The following NEK10 variants were observed in gnomAD, a reference collection of about 807,000 sequenced individuals.
NEK10 encodes the protein serine/threonine-protein kinase Nek10.
A neutral mutation model predicts 159.8 loss-of-function variants in NEK10; 122 were observed. That is an observed-to-expected ratio of 0.76 (90% confidence interval 0.66 to 0.89). The LOEUF (loss-of-function observed/expected upper bound fraction) is 0.89, where lower values mean the gene tolerates loss of function less well. Ranked by LOEUF, NEK10 falls within the 40% of genes least tolerant of loss-of-function variation. The pLI, the probability that NEK10 is intolerant of heterozygous loss-of-function variation, is 0.00. For missense variants in NEK10, 1,342 were observed against 1,323.1 expected, an observed-to-expected ratio of 1.01 and a Z score of -0.22; for synonymous variants, 466 against 457.1, an observed-to-expected ratio of 1.02 and a Z score of -0.25.
At chr3:27,272,437 A>G (rs2041438274) in intron 22 of NEK10, among the ~76,000 whole-genome samples, 1 of 152,154 alleles carries the variant, frequency 6.6e-6, no homozygotes, top group African/African-American at 2.4e-5. Flanking sequence ...TTGTCTGATT[A>G]TAGTTTAAAT....
intron 9 of NEK10, chr3:27,309,283 T>A (rs1264088119): frequency 5.1e-6 from 1 of 197,050 alleles, no homozygotes; most frequent in Non-Finnish European, 1.0e-5. Context: ...ATTAAATATA[T>A]CTTTATAAAC....
chr3:27,262,976 T>A lies in NEK10; in HGVS notation c.2015-6605A>T, dbSNP rs573939248. 3.3e-5 allele frequency among the ~76,000 whole-genome samples: 5 copies of A among 152,330 alleles called. No individual in the cohort carries two copies. In the East Asian group the frequency reaches 7.7e-4, roughly 24 times the overall value. On this transcript the variant is annotated intron_variant, in intron 22 of 35. Transcript: ENST00000691995. ...TTTGTCTACCTTTGGTCTTTGATGA[T>A]GGTGACGTACAGATGGGGTTTTGGT...
intron 13 of NEK10, among the ~76,000 whole-genome samples, chr3:27,299,446 C>T (rs911023514): frequency 5.9e-5 from 9 of 152,130 alleles, no homozygotes; most frequent in Non-Finnish European, 8.8e-5. Flanking sequence ...GCTGCAGGGG[C>T]GGGGCTCTCA....
At chr3:27,306,081 T>A (rs1241660218) in intron 11 of NEK10, among the ~76,000 whole-genome samples, 1 of 152,138 alleles carries the variant, frequency 6.6e-6, no homozygotes. Flanking sequence ...ATATCCCCGA[T>A]CTTGACTCAT....
chr3:27,195,014 C>CAGGAAAAAG (rs1949442392), intron 25 of NEK10, among the ~76,000 whole-genome samples: 2 of 152,070 alleles, frequency 1.3e-5, no homozygotes, highest in Non-Finnish European at 2.9e-5. Context: ...TGCTTGTATA[C>CAGGAAAAAG]CACATGAGCA....
At chr3:27,292,837 AG>A (rs1403869305) in intron 16 of NEK10, among the ~76,000 whole-genome samples, 1 of 152,218 alleles carries the variant, frequency 6.6e-6, no homozygotes, top group Admixed American at 6.5e-5. Flanking sequence ...ATAGAAATAA[AG>A]TAACAACATA....
At chr3:27,211,206 G>A (rs144434475) in intron 23 of NEK10, among the ~76,000 whole-genome samples, 10 of 152,252 alleles carry the variant, frequency 6.6e-5, no homozygotes, top group East Asian at 3.9e-4. Context: ...CATTTCATGC[G>A]ACATTCCAAT....
chr3:27,164,861 T>C (rs1946341743), intron 29 of NEK10, among the ~76,000 whole-genome samples: 1 of 152,240 alleles, frequency 6.6e-6, no homozygotes, highest in African/African-American at 2.4e-5. Context: ...ATGATGAGTT[T>C]GCAAGATGAC....
chr3:27,287,740 A>T lies in NEK10; in HGVS notation c.1747T>A (p.Tyr583Asn). The T allele has an allele frequency of 6.4e-7, 1 of 1,560,944 alleles. No homozygotes were observed. The highest frequency in any genetic ancestry group is 8.6e-7 in the Non-Finnish European group (1 of 1,160,090). The change falls in exon 20 of 36, where the codon TAT becomes AAT. Residue 583 changes from tyrosine to asparagine, a missense_variant. Tyr to Asn is a moderately radical substitution (Grantham distance 143). Coordinates refer to ENST00000691995, the MANE Select transcript of NEK10 (RefSeq NM_001394966.1). ...TAATAACGTACAATGTTGGGATGATAAAGCTATAAGAAAATAAATAACAAA... is the reference window on the plus strand; with the variant it reads ...TAATAACGTACAATGTTGGGATGATTAAGCTATAAGAAAATAAATAACAAA... The part of the protein sequence containing the change: ...SELTIIKEQL[Y>N]HPNIVRYYKT...
rs146661368 is a variant in NEK10, at chr3:27,132,418, A to G, written c.2971-428T>C. On this transcript the variant is annotated intron_variant, in intron 31 of 35. Transcript: ENST00000691995. The stretch of plus-strand genomic sequence containing the variant: ...GATCTGACACTTTGGACCAGGAAAT[A>G]CATATCTGCTTTAGTAGTATATATA... Among the ~76,000 whole-genome samples the G allele has an allele frequency of 6.4e-3, 978 of 152,328 alleles. 13 individuals carry two copies. Among genetic ancestry groups the G allele is most frequent in the African/African-American group, 0.022 (931 of 41,574 alleles).
chr3:27,340,591 C>T (rs1054731322), intron 5 of NEK10, among the ~76,000 whole-genome samples: 1 of 152,038 alleles, frequency 6.6e-6, no homozygotes, highest in Non-Finnish European at 1.5e-5. Flanking sequence ...AAATAGCCAA[C>T]AAGTATATGA....
chr3:27,230,536 G>A (rs891020698), intron 23 of NEK10, among the ~76,000 whole-genome samples: 5 of 152,074 alleles, frequency 3.3e-5, no homozygotes, highest in South Asian at 2.1e-4. Flanking sequence ...AACAATGAAC[G>A]TAAATGGCCT....
chr3:27,119,616 A>G (rs549647777), intron 33 of NEK10, 144 bp downstream of exon 33: 4 of 596,622 alleles, frequency 6.7e-6, no homozygotes, highest in African/African-American at 1.9e-5. Context: ...GATTCCTACC[A>G]TATGTGCCTT....
At chr3:27,250,421 C>T (rs1434351519) in intron 23 of NEK10, among the ~76,000 whole-genome samples, 2 of 152,072 alleles carry the variant, frequency 1.3e-5, no homozygotes, top group East Asian at 1.9e-4. Flanking sequence ...CTCCTGACCT[C>T]GTGATCCACC....
At chr3:27,358,253 T>C (rs906380023) in intron 1 of NEK10, among the ~76,000 whole-genome samples, 5 of 152,196 alleles carry the variant, frequency 3.3e-5, no homozygotes, top group African/African-American at 1.2e-4. Flanking sequence ...ACCAAAGGCA[T>C]GCTACTTTAA....
At chr3:27,119,679 G>A in intron 33 of NEK10, 81 bp downstream of exon 33, 1 of 1,090,516 alleles carries the variant, frequency 9.2e-7, no homozygotes. Context: ...AAAAATTGGA[G>A]ATAATCTTTT....
intron 23 of NEK10, chr3:27,215,150 C>T: frequency 2.9e-6 from 1 of 339,128 alleles, no homozygotes; most frequent in Non-Finnish European, 5.5e-6. Flanking sequence ...TTAACACCAT[C>T]AAAATTAGTC....
intron 26 of NEK10, among the ~76,000 whole-genome samples, chr3:27,189,689 T>C (rs1446602453): frequency 1.3e-5 from 2 of 152,164 alleles, no homozygotes; most frequent in African/African-American, 2.4e-5. Flanking sequence ...AACTGCATAC[T>C]GTCTTTTGAT....
chr3:27,143,320 G>T, intron 30 of NEK10: 1 of 516,672 alleles, frequency 1.9e-6, no homozygotes. Flanking sequence ...TTTCTGATTT[G>T]TAGATGCAAC....
Sources: allele counts gnomAD v4.1 joint callset (sites outside exome capture counted in the v4.1 genomes callset), GRCh38; gene constraint gnomAD v4.1.1; transcripts MANE v1.5; gene names NCBI Gene and HGNC (gene_info 2026-07-23, HGNC 2026-07-21).